Variants in FANCC observed in about 807,000 individuals in gnomAD.
The protein encoded by FANCC is Fanconi anemia group C protein.
A neutral mutation model predicts 71.3 loss-of-function variants in FANCC; 55 were observed. That is an observed-to-expected ratio of 0.77 (90% CI 0.62 to 0.97). The LOEUF (loss-of-function observed/expected upper bound fraction) is 0.97, where lower values mean the gene tolerates loss of function less well. Among genes scored for constraint, FANCC ranks in the 50% least tolerant of loss-of-function variants. The pLI is 0.00. For missense variants in FANCC, 678 were observed against 670.9 expected (o/e 1.01, Z -0.12); for synonymous variants, 275 against 244.9 (o/e 1.12, Z -1.15).
intron 1 of FANCC, among the ~76,000 whole-genome samples, chr9:95,288,169 A>C (rs1833795029): frequency 6.6e-6 from 1 of 152,230 alleles, no homozygotes. Context: ...TTTATCTAAA[A>C]ACATTCTTGC....
chr9:95,136,313 C>T (rs1827689117), intron 7 of FANCC, among the ~76,000 whole-genome samples: 2 of 151,940 alleles, frequency 1.3e-5, no homozygotes, highest in South Asian at 4.2e-4. Context: ...GCAGGAGGAT[C>T]GCTAGAGCCC....
At chr9:95,123,461 G>A (rs777358525) in intron 10 of FANCC, 36 of 461,364 alleles carry the variant, frequency 7.8e-5, no homozygotes, top group Non-Finnish European at 1.3e-4. Flanking sequence ...GCAACATGGT[G>A]AAACCCCATC....
chr9:95,106,234 C>G (rs549995281), intron 14 of FANCC, among the ~76,000 whole-genome samples: 1 of 152,358 alleles, frequency 6.6e-6, no homozygotes, highest in African/African-American at 2.4e-5. Flanking sequence ...CATCTCCCCA[C>G]ATGCCTACTG....
intron 4 of FANCC, among the ~76,000 whole-genome samples, chr9:95,213,250 G>A (rs1011620574): frequency 1.1e-4 from 17 of 152,076 alleles, no homozygotes; most frequent in Non-Finnish European, 2.2e-4. Context: ...TGCTGCCCTA[G>A]AGCAGCCAGT....
rs180776788 is a variant in FANCC, at chr9:95,200,506, C to T, written c.346-28359G>A. On this transcript the variant is annotated intron_variant, in intron 4 of 14. Transcript: ENST00000289081. ...TCAAGGAGGTCTAAGCAGCTGTTTA[C>T]GGGAGAGTGGCAAGACGAACAGCAG... 5.9e-5 allele frequency among the ~76,000 whole-genome samples: 9 copies of T among 152,198 alleles called. No individual in the cohort carries two copies. In the East Asian group the frequency reaches 1.7e-3, roughly 29 times the overall value.
At chr9:95,201,397 A>C (rs957322510) in intron 4 of FANCC, among the ~76,000 whole-genome samples, 1 of 152,142 alleles carries the variant, frequency 6.6e-6, no homozygotes, top group Non-Finnish European at 1.5e-5. Context: ...CCAAGGCGTG[A>C]AGTTCCATTT....
intron 12 of FANCC, among the ~76,000 whole-genome samples, chr9:95,113,421 T>A (rs182440249): frequency 6.6e-6 from 1 of 152,232 alleles, no homozygotes; most frequent in Non-Finnish European, 1.5e-5. Flanking sequence ...AGTGTTATGA[T>A]ACAAGGAATT....
intron 4 of FANCC, among the ~76,000 whole-genome samples, chr9:95,173,221 G>A (rs907411059): frequency 2.6e-5 from 4 of 152,086 alleles, no homozygotes; most frequent in African/African-American, 9.7e-5. Flanking sequence ...GTGAGCTCCT[G>A]GAGGAATAGA....
chr9:95,171,546 G>A (rs1227689772), intron 5 of FANCC, among the ~76,000 whole-genome samples: 1 of 151,446 alleles, frequency 6.6e-6, no homozygotes, highest in Non-Finnish European at 1.5e-5. Context: ...ACATTTTTTA[G>A]AAGAGTTACA....
intron 13 of FANCC, chr9:95,110,868 CCA>C (rs2071860621): frequency 3.3e-6 from 4 of 1,199,146 alleles, no homozygotes; most frequent in Admixed American, 4.0e-5. Context: ...ACTGTCTTTG[CCA>C]CAGACAGTTA....
chr9:95,155,373 G>A (rs1286625736), intron 6 of FANCC, among the ~76,000 whole-genome samples: 2 of 139,464 alleles, frequency 1.4e-5, no homozygotes, highest in African/African-American at 5.4e-5. Context: ...GAGGGAGGGA[G>A]GAAAAAGAAA....
In FANCC at chr9:95,099,066, T is replaced by A. The variant is rs2070996164; in HGVS notation, c.*2641A>T. On this transcript the variant is annotated 3_prime_UTR_variant, in exon 15 of 15. Coordinates refer to ENST00000289081, the MANE Select transcript of FANCC (RefSeq NM_000136.3). ...AATGGATACAACATTAGGTGCAAACTGAAGTTTTATTTAGAATGAAAAAAT... is the reference window on the plus strand; with the variant it reads ...AATGGATACAACATTAGGTGCAAACAGAAGTTTTATTTAGAATGAAAAAAT... The A allele has an allele frequency of 5.3e-6, 1 of 186,998 alleles. No homozygotes were observed. Among genetic ancestry groups the A allele is most frequent in the African/African-American group, 2.3e-5 (1 of 42,718 alleles). The allele number at this position is 186,998 out of a possible 1,614,324, so 11.6% of individuals were successfully genotyped here.
At chr9:95,240,379 T>C (rs1372621242) in intron 4 of FANCC, among the ~76,000 whole-genome samples, 1 of 152,218 alleles carries the variant, frequency 6.6e-6, no homozygotes, top group Non-Finnish European at 1.5e-5. Flanking sequence ...ATACATTATT[T>C]TAATCACCTG....
chr9:95,166,109 G>T (rs549861248), intron 6 of FANCC, among the ~76,000 whole-genome samples: 4 of 151,946 alleles, frequency 2.6e-5, no homozygotes, highest in Middle Eastern at 3.4e-3. Context: ...TTCATTTTCA[G>T]CCTATGTATC....
intron 6 of FANCC, among the ~76,000 whole-genome samples, chr9:95,170,234 T>C (rs1825575770): frequency 6.6e-6 from 1 of 152,202 alleles, no homozygotes; most frequent in African/African-American, 2.4e-5. Context: ...ACACTCTCCA[T>C]GTCTCCTATG....
At chr9:95,309,482 G>A (rs941126347) in intron 1 of FANCC, among the ~76,000 whole-genome samples, 8 of 152,110 alleles carry the variant, frequency 5.3e-5, no homozygotes, top group African/African-American at 1.7e-4. Flanking sequence ...CTAAGTAATC[G>A]TTACAATCCA....
Position 95,178,602 on chromosome 9 carries a change from G to A in FANCC, c.346-6455C>T, listed in dbSNP as rs528441311. Among the ~76,000 whole-genome samples the A allele has an allele frequency of 1.3e-4, 20 of 152,342 alleles. No individual in the cohort carries two copies. The East Asian group carries it at 1.4e-3, about 10-fold the overall frequency. Reference sequence around the variant, plus strand: ...CCAGGCTGACTGGCGCCCTGTGCCCGGAGGCAGGAAGAGACGCAGGATCCA... The same window carrying A: ...CCAGGCTGACTGGCGCCCTGTGCCCAGAGGCAGGAAGAGACGCAGGATCCA... On this transcript the variant is annotated intron_variant, in intron 4 of 14. Transcript: ENST00000289081.
chr9:95,292,517 C>G, intron 1 of FANCC: 1 of 1,488,976 alleles, frequency 6.7e-7, no homozygotes, highest in East Asian at 2.5e-5. Flanking sequence ...AGCCCGCGGC[C>G]TCCGTGCTGG....
At chr9:95,241,756 C>T (rs1477898451) in intron 3 of FANCC, among the ~76,000 whole-genome samples, 3 of 152,144 alleles carry the variant, frequency 2.0e-5, no homozygotes, top group South Asian at 2.1e-4. Context: ...ACCTCTCGGG[C>T]TCCAGCGATT....
Sources: allele counts gnomAD v4.1 joint callset (sites outside exome capture counted in the v4.1 genomes callset), GRCh38; gene constraint gnomAD v4.1.1; transcripts MANE v1.5; gene names NCBI Gene and HGNC (gene_info 2026-07-23, HGNC 2026-07-21).